ASTN1: variants seen among roughly 807,000 people sequenced by gnomAD.
The protein encoded by ASTN1 is astrotactin 1, also known as astrotactin-1.
Under a neutral mutation model 140.7 loss-of-function variants are expected in ASTN1, and 41 were observed. That is an observed-to-expected ratio of 0.29 (90% CI 0.23 to 0.38). The LOEUF is 0.38. ASTN1 is among the 10% of genes least tolerant of loss of function. The pLI is 1.00. For missense variants in ASTN1, 1,479 were observed against 1,678.8 expected, an observed-to-expected ratio of 0.88 and a Z score of 2.08; for synonymous variants, 640 against 652.2, an observed-to-expected ratio of 0.98 and a Z score of 0.29.
chr1:177,049,585 CAT>C (rs1353920026), intron 2 of ASTN1, among the ~76,000 whole-genome samples: 1 of 152,190 alleles, frequency 6.6e-6, no homozygotes, highest in Non-Finnish European at 1.5e-5. Context: ...TGAAGTTTCA[CAT>C]GTTTTTGAGA....
chr1:177,088,626 C>T (rs6425410), intron 1 of ASTN1, among the ~76,000 whole-genome samples: 69,110 of 151,948 alleles, frequency 0.45, 17,182 homozygotes, highest in Non-Finnish European at 0.57. Context: ...TGATAGAATA[C>T]TACTTTAAAA....
chr1:177,121,268 C>A (rs1681371339), intron 1 of ASTN1, among the ~76,000 whole-genome samples: 2 of 152,030 alleles, frequency 1.3e-5, no homozygotes, highest in Admixed American at 6.5e-5. Context: ...AAGATCTATG[C>A]CCCTAAAAAA....
At chr1:177,039,423 T>G (rs1250861480) in intron 2 of ASTN1, among the ~76,000 whole-genome samples, 2 of 152,208 alleles carry the variant, frequency 1.3e-5, no homozygotes, top group Non-Finnish European at 2.9e-5. Context: ...ATCACTCATA[T>G]CTTTTATAAG....
At chr1:176,979,886 C>T (rs917251073) in intron 8 of ASTN1, among the ~76,000 whole-genome samples, 2 of 152,078 alleles carry the variant, frequency 1.3e-5, no homozygotes, top group Non-Finnish European at 2.9e-5. Flanking sequence ...GAGAGATTGC[C>T]AAATTGAGTC....
chr1:177,129,685 T>C (rs1681847352), intron 1 of ASTN1, among the ~76,000 whole-genome samples: 1 of 152,214 alleles, frequency 6.6e-6, no homozygotes, highest in East Asian at 1.9e-4. Context: ...ACAAGAACCC[T>C]TCGCTGGAAG....
chr1:177,060,082 T>C (rs1023349807), intron 2 of ASTN1, among the ~76,000 whole-genome samples: 1 of 152,206 alleles, frequency 6.6e-6, no homozygotes, highest in Admixed American at 6.5e-5. Context: ...ATCAACGATG[T>C]GAATGCATTG....
intron 20 of ASTN1, among the ~76,000 whole-genome samples, chr1:176,877,026 C>T (rs998380670): frequency 6.6e-6 from 1 of 152,134 alleles, no homozygotes; most frequent in African/African-American, 2.4e-5. Flanking sequence ...TGTGCTTTCC[C>T]GGGTGTTCCA....
chr1:177,102,795 T>C (rs1558096638), intron 1 of ASTN1, among the ~76,000 whole-genome samples: 1 of 152,330 alleles, frequency 6.6e-6, no homozygotes, highest in Admixed American at 6.5e-5. Context: ...TAATTTCTTT[T>C]AGACCCAAGA....
chr1:176,878,636 G>C (rs962921823), intron 20 of ASTN1, among the ~76,000 whole-genome samples: 1 of 151,948 alleles, frequency 6.6e-6, no homozygotes, highest in African/African-American at 2.4e-5. Flanking sequence ...TGTAGAACTA[G>C]CTCTGTTCCT....
chr1:177,156,281 A>C (rs912815429), intron 1 of ASTN1, among the ~76,000 whole-genome samples: 3 of 151,936 alleles, frequency 2.0e-5, no homozygotes, highest in Non-Finnish European at 4.4e-5. Context: ...AAAAAAAAAA[A>C]AACAAAAAAC....
intron 14 of ASTN1, among the ~76,000 whole-genome samples, chr1:176,938,642 A>G (rs1312675667): frequency 6.6e-6 from 1 of 152,174 alleles, no homozygotes; most frequent in East Asian, 1.9e-4. Flanking sequence ...GTAAGGTGAG[A>G]GTTTTAGGTG....
chr1:177,082,321 T>C (rs1328487168), intron 1 of ASTN1, among the ~76,000 whole-genome samples: 1 of 152,158 alleles, frequency 6.6e-6, no homozygotes, highest in Non-Finnish European at 1.5e-5. Context: ...CTGAGTTTCC[T>C]CCTCTATTAA....
At chr1:177,128,128 C>T (rs1451680722) in intron 1 of ASTN1, among the ~76,000 whole-genome samples, 4 of 152,100 alleles carry the variant, frequency 2.6e-5, no homozygotes, top group Admixed American at 2.0e-4. Context: ...AATTTTCTGT[C>T]TTTAGATGAA....
intron 14 of ASTN1, among the ~76,000 whole-genome samples, chr1:176,936,930 C>T (rs949382073): frequency 1.6e-4 from 24 of 152,150 alleles, no homozygotes; most frequent in African/African-American, 5.6e-4. Flanking sequence ...TAATGGTATT[C>T]ATCCTATCTA....
chr1:176,966,930 A>G (rs1226792081), intron 8 of ASTN1, among the ~76,000 whole-genome samples: 1 of 152,072 alleles, frequency 6.6e-6, no homozygotes, highest in African/African-American at 2.4e-5. Context: ...TTTATTATTT[A>G]TAAATTTTAT....
chr1:177,038,454 GA>G (rs1181436473), intron 2 of ASTN1, among the ~76,000 whole-genome samples: 1 of 152,108 alleles, frequency 6.6e-6, no homozygotes, highest in East Asian at 1.9e-4. Flanking sequence ...AAGGAAGGGA[GA>G]GGAGAAAGAA....
intron 1 of ASTN1, among the ~76,000 whole-genome samples, chr1:177,092,611 T>C (rs1334569230): frequency 1.3e-5 from 2 of 152,196 alleles, no homozygotes; most frequent in Non-Finnish European, 2.9e-5. Context: ...TATATTGTCT[T>C]CTAATAGTTT....
Position 176,965,254 on chromosome 1 carries a change from C to T in ASTN1, c.1524-17G>A, listed in dbSNP as rs771866088. ...GGCCATGGCCTAAAAGAAGAAACAT[C>T]ATTCAATTAAATTCAACTCAACAAA... On this transcript the variant is annotated splice_polypyrimidine_tract_variant and intron_variant, in intron 8 of 22. Transcript: ENST00000361833. 3.1e-6 allele frequency: 5 copies of T among 1,612,694 alleles called. No homozygotes were observed. Among genetic ancestry groups the T allele is most frequent in the Non-Finnish European group, 3.4e-6 (4 of 1,178,876 alleles).
chr1:176,956,294 A>T (rs1227304667), intron 11 of ASTN1, among the ~76,000 whole-genome samples: 1 of 151,756 alleles, frequency 6.6e-6, no homozygotes, highest in East Asian at 1.9e-4. Flanking sequence ...TCCTTCTCAG[A>T]TGAATCAGCC....
Sources: allele counts gnomAD v4.1 joint callset (sites outside exome capture counted in the v4.1 genomes callset), GRCh38; gene constraint gnomAD v4.1.1; transcripts MANE v1.5; gene names NCBI Gene and HGNC (gene_info 2026-07-23, HGNC 2026-07-21).